Variants in ZAN observed in about 807,000 individuals in gnomAD.
The protein encoded by ZAN is zonadhesin.
In ZAN, 260 loss-of-function variants were observed where a neutral mutation model predicts 286.2. That is an observed-to-expected ratio of 0.91 (90% CI 0.82 to 1.01). The LOEUF is 1.01. Ranked by LOEUF, ZAN falls within the 50% of genes least tolerant of loss-of-function variation. The pLI is 0.00. For missense variants in ZAN, 3,410 were observed against 3,639.2 expected (o/e 0.94, Z 1.62); for synonymous variants, 1,368 against 1,417.5 (o/e 0.97, Z 0.79).
rs560202964 is a variant in ZAN at position 100,763,184 on chromosome 7, C to T, written c.3987-622C>T. On this transcript the variant is annotated intron_variant, in intron 20 of 47. Coordinates refer to ENST00000613979, the MANE Select transcript of ZAN (RefSeq NM_003386.3). The surrounding 1 kb of genome is among the most constrained non-coding windows in gnomAD (Gnocchi z 4.6). ...TTCATCATGTTGGCCAGGCTGGTTT[C>T]GAACTCCTGACCTCAGGTGATTCAC... Among the ~76,000 whole-genome samples, 8 of 152,010 alleles carry T rather than the reference C, an allele frequency of 5.3e-5. 1 individual carries two copies. The South Asian group carries it at 1.2e-3, about 24-fold the overall frequency.
intron 28 of ZAN, among the ~76,000 whole-genome samples, 200 bp from the exon 29 acceptor site, chr7:100,771,644 C>T (rs1018076467): frequency 1.4e-4 from 22 of 152,098 alleles, no homozygotes; most frequent in African/African-American, 5.3e-4. Context: ...GATGGTCAGG[C>T]TGGTCTCAAA....
In ZAN at chr7:100,763,239, C is replaced by T. The variant is rs970591317; in HGVS notation, c.3987-567C>T. Among the ~76,000 whole-genome samples the T allele has an allele frequency of 2.6e-5, 4 of 151,984 alleles. No homozygotes were observed. The highest frequency in any genetic ancestry group is 7.2e-5 in the African/African-American group (3 of 41,394). On this transcript the variant is annotated intron_variant, in intron 20 of 47. Coordinates refer to ENST00000613979, the MANE Select transcript of ZAN (RefSeq NM_003386.3). The surrounding 1 kb of genome is among the most constrained non-coding windows in gnomAD (Gnocchi z 4.6). ...CCTGGCCTCCCAAAATGCAAAATGC[C>T]GGGATTACAGGCATCACCACCACAC...
At chr7:100,772,808 G>A (rs760810665) in intron 29 of ZAN, among the ~76,000 whole-genome samples, 4 of 129,066 alleles carry the variant, frequency 3.1e-5, no homozygotes, top group Non-Finnish European at 5.0e-5. Flanking sequence ...GCGACAGAGC[G>A]AGACTGTCTA....
chr7:100,795,282 T>A lies in ZAN; in HGVS notation c.8212T>A (p.Tyr2738Asn). ...ATFTCECEVG[Y>N]GGGLCMEPRD... Reference sequence around the variant, plus strand: ...CTTCACCTGCGAGTGTGAAGTTGGTTACGGGGGAGGCCTGTGTATGGAGCC... The same window carrying A: ...CTTCACCTGCGAGTGTGAAGTTGGTAACGGGGGAGGCCTGTGTATGGAGCC... Residue 2738 changes from tyrosine to asparagine, a missense_variant, in exon 45 of 48, where the codon TAC becomes AAC. Tyr to Asn is a moderately radical substitution (Grantham distance 143, BLOSUM62 -2). Coordinates refer to ENST00000613979, the MANE Select transcript of ZAN (RefSeq NM_003386.3). 4 of 1,611,660 alleles carry A rather than the reference T, an allele frequency of 2.5e-6. No homozygotes were observed. The highest frequency in any genetic ancestry group is 3.4e-6 in the Non-Finnish European group (4 of 1,178,888).
At chr7:100,735,935 C>T (rs73170778) in intron 3 of ZAN, among the ~76,000 whole-genome samples, 163 bp downstream of exon 3, 12,559 of 140,834 alleles carry the variant, frequency 0.089, 2,493 homozygotes, top group East Asian at 0.17. Context: ...CCAAGTCCAG[C>T]CCTCCAACCT....
In ZAN at chr7:100,768,717, C is replaced by T. The variant is rs775069358; in HGVS notation, c.5149C>T (p.Pro1717Ser). 1.9e-6 allele frequency: 3 copies of T among 1,594,602 alleles called. No individual in the cohort carries two copies. The highest frequency in any genetic ancestry group is 2.6e-6 in the Non-Finnish European group (3 of 1,170,528). The change falls in exon 27 of 48, where the codon CCT (proline) becomes TCT (serine). Residue 1717 changes from proline (P) to serine (S), a missense_variant. Transcript: ENST00000613979. ...CTGGAAGTTACCTGAATCCTCTGAA[C>T]CTGGGTGAGCTGGGGGTCAGGGGAG... is the stretch of plus-strand genomic sequence containing the variant. ...AAWKLPESSE[P>S]GCFLVGGKPS... is the part of the protein sequence containing the mutation.
chr7:100,791,979 G>T lies in ZAN; in HGVS notation c.7543G>T (p.Glu2515Ter), dbSNP rs1811996888. 1.2e-6 allele frequency: 2 copies of T among 1,612,722 alleles called. No individual in the cohort carries two copies. The highest frequency in any genetic ancestry group is 8.5e-7 in the Non-Finnish European group (1 of 1,179,454). The change falls in exon 41 of 48, where the codon GAG (glutamate) becomes TAG (stop). Residue 2515 changes from glutamate (E) to a stop codon, truncating the protein, a stop_gained. Transcript: ENST00000613979. LOFTEE classifies it high-confidence loss of function. The stretch of plus-strand genomic sequence containing the variant: ...TCTCTACTGCAGGGCTATACCAGCG[G>T]AGGAGGAGGGACAAGGGGCGGAGCT... ...LLRFPRAIPAEEEGQGAELGL... is the reference protein window; with the variant it reads ...LLRFPRAIPA
chr7:100,739,986 A>G (rs1461179700), intron 7 of ZAN, among the ~76,000 whole-genome samples: 2 of 141,900 alleles, frequency 1.4e-5, no homozygotes, highest in African/African-American at 5.1e-5. Context: ...TAGGCTGGTC[A>G]GAGTAGGTCA....
chr7:100,759,893 T>A, intron 18 of ZAN, 48 bp downstream of exon 18: 1 of 1,587,010 alleles, frequency 6.3e-7, no homozygotes, highest in Non-Finnish European at 8.6e-7. Context: ...TGACTGTGTG[T>A]CCTGGCCAAC....
chr7:100,760,008 G>A (rs1809440967), intron 18 of ZAN, among the ~76,000 whole-genome samples, 163 bp downstream of exon 18: 2 of 152,144 alleles, frequency 1.3e-5, no homozygotes, highest in South Asian at 4.1e-4. Context: ...GAGGCCAGGA[G>A]TTTGAAGCCA....
At position 100,789,325 on chromosome 7, in the gene ZAN, C is replaced by G. The variant is rs369168101; in HGVS notation, c.7335C>G (p.Ser2445Arg). ...YLVTDFELVV[S>R]FGGRKNAVIS... is the part of the protein sequence containing the mutation. ...TCACCGACTTTGAGCTGGTCGTCAGCTTTGGTGGAAGGAAAAATGCAGGTA... is the reference window on the plus strand; with the variant it reads ...TCACCGACTTTGAGCTGGTCGTCAGGTTTGGTGGAAGGAAAAATGCAGGTA... The change falls in exon 39 of 48, where the codon AGC (serine) becomes AGG (arginine). Residue 2445 changes from serine to arginine, a missense_variant. By Grantham distance (110) the Ser-to-Arg change is moderately radical. Coordinates refer to ENST00000613979, the MANE Select transcript of ZAN (RefSeq NM_003386.3). The G allele has an allele frequency of 3.7e-6, 6 of 1,613,702 alleles. No homozygotes were observed. In the African/African-American group the frequency reaches 4.0e-5, roughly 11 times the overall value.
intron 30 of ZAN, 38 bp from the exon 31 acceptor site, chr7:100,773,683 A>C (rs1810549209): frequency 6.3e-7 from 1 of 1,592,918 alleles, no homozygotes; most frequent in Non-Finnish European, 8.6e-7. Flanking sequence ...TCCCAATTCC[A>C]ACTTTCTGTT....
At chr7:100,784,419 T>C (rs1811424755) in intron 35 of ZAN, among the ~76,000 whole-genome samples, 1 of 152,064 alleles carries the variant, frequency 6.6e-6, no homozygotes, top group African/African-American at 2.4e-5. Context: ...TGAGCCACCA[T>C]GCCCAGCCGC....
intron 2 of ZAN, 41 bp downstream of exon 2, chr7:100,734,262 T>G: frequency 2.3e-6 from 3 of 1,294,760 alleles, no homozygotes; most frequent in African/African-American, 1.5e-5. Context: ...CAGGGTCAGC[T>G]GAGGGTGGCT....
In ZAN at chr7:100,753,832, TAAAAAA is replaced by T. The variant is rs59347418; in HGVS notation, c.3124+621_3124+626del. ...TGGGCAACAGAGCAAGACATCGTCCTAAAAAAAAAAAAAAAAAAAAAAAGCAAAAGC... is the reference window on the plus strand; with the variant it reads ...TGGGCAACAGAGCAAGACATCGTCCTAAAAAAAAAAAAAAAAAGCAAAAGC... On this transcript the variant is annotated intron_variant, in intron 14 of 47. Coordinates refer to ENST00000613979, the MANE Select transcript of ZAN (RefSeq NM_003386.3). Among the ~76,000 whole-genome samples, 9 of 73,176 alleles carry T rather than the reference TAAAAAA, an allele frequency of 1.2e-4. No individual in the cohort carries two copies. The Admixed American group carries it at 1.6e-3, about 13-fold the overall frequency. The allele number at this position is 73,176 out of a possible 152,430, so 48.0% of individuals were successfully genotyped here.
intron 17 of ZAN, 145 bp downstream of exon 17, chr7:100,758,795 G>T: frequency 7.4e-7 from 1 of 1,355,608 alleles, no homozygotes; most frequent in Non-Finnish European, 9.9e-7. Flanking sequence ...TAAGGTGAGG[G>T]TTGAAGGCCA....
At chr7:100,765,617 C>G in intron 23 of ZAN, 63 bp downstream of exon 23, 7 of 1,495,552 alleles carry the variant, frequency 4.7e-6, no homozygotes, top group Non-Finnish European at 6.3e-6. Flanking sequence ...TGCTCTCACA[C>G]CCCCTGCAAG....
At chr7:100,794,783 G>A (rs750108227) in intron 44 of ZAN, among the ~76,000 whole-genome samples, 5 of 151,596 alleles carry the variant, frequency 3.3e-5, no homozygotes, top group African/African-American at 4.8e-5. Flanking sequence ...GCTACAGTGA[G>A]CTATAATTGT....
At chr7:100,785,941 G>GAGCCGCCGCGCCC (rs1252764292) in intron 36 of ZAN, 56 bp from the exon 37 acceptor site, 2 of 1,558,456 alleles carry the variant, frequency 1.3e-6, no homozygotes, top group African/African-American at 2.7e-5. Flanking sequence ...TTACAGGCGT[G>GAGCCGCCGCGCCC]AGCCGCCGCG....
Sources: allele counts gnomAD v4.1 joint callset (sites outside exome capture counted in the v4.1 genomes callset), GRCh38; gene constraint gnomAD v4.1.1; non-coding constraint Gnocchi (gnomAD v3.1); transcripts MANE v1.5; gene names NCBI Gene and HGNC (gene_info 2026-07-23, HGNC 2026-07-21).